ANKS1B: variants seen among roughly 807,000 people sequenced by gnomAD.
ANKS1B encodes ankyrin repeat and sterile alpha motif domain-containing protein 1B.
In ANKS1B, 36 loss-of-function variants were observed where a neutral mutation model predicts 148.3. The observed-to-expected ratio is 0.24, with a 90% CI of 0.19 to 0.32. ANKS1B has a LOEUF of 0.32. Ranked by LOEUF, ANKS1B falls within the 10% of genes least tolerant of loss-of-function variation. The pLI, the probability that ANKS1B is intolerant of heterozygous loss-of-function variation, is 1.00. For synonymous variants in ANKS1B, 542 were observed against 560.8 expected (o/e 0.97, Z 0.47); for missense variants, 1,157 against 1,542.6 (o/e 0.75, Z 4.19).
At chr12:99,914,298 C>A (rs2094101825) in intron 1 of ANKS1B, among the ~76,000 whole-genome samples, 1 of 152,120 alleles carries the variant, frequency 6.6e-6, no homozygotes, top group African/African-American at 2.4e-5. Flanking sequence ...TGGTGATAAC[C>A]CCTAACAGGC....
chr12:98,832,956 T>C (rs1023877106), intron 17 of ANKS1B, among the ~76,000 whole-genome samples: 2 of 151,916 alleles, frequency 1.3e-5, no homozygotes, highest in African/African-American at 4.8e-5. Flanking sequence ...TGAATGGTAA[T>C]AGAGATGGGA....
At chr12:99,783,190 CAAAAA>C (rs766608067) in intron 4 of ANKS1B, among the ~76,000 whole-genome samples, 1 of 62,448 alleles carries the variant, frequency 1.6e-5, no homozygotes, top group Admixed American at 1.9e-4. Context: ...GAATCCATCG[CAAAAA>C]AAAAAAAAAA....
At chr12:99,130,650 A>T (rs1263527409) in intron 15 of ANKS1B, among the ~76,000 whole-genome samples, 1 of 152,162 alleles carries the variant, frequency 6.6e-6, no homozygotes, top group Non-Finnish European at 1.5e-5. Context: ...AAATCCTGAC[A>T]TGTCAGTGTG....
chr12:99,982,223 G>C (rs1566136878), intron 1 of ANKS1B, among the ~76,000 whole-genome samples: 1 of 151,748 alleles, frequency 6.6e-6, no homozygotes, highest in Non-Finnish European at 1.5e-5. Flanking sequence ...ACCAGCAAAA[G>C]AGAAAACCTC....
At chr12:99,218,844 GA>G (rs145986733) in intron 14 of ANKS1B, among the ~76,000 whole-genome samples, 1,664 of 152,286 alleles carry the variant, frequency 0.011, 31 homozygotes, top group African/African-American at 0.038. Context: ...TTATAATTAA[GA>G]AGTAGGAGAG....
chr12:99,943,558 T>C (rs919114532), intron 1 of ANKS1B, among the ~76,000 whole-genome samples: 2 of 152,124 alleles, frequency 1.3e-5, no homozygotes, highest in East Asian at 1.9e-4. Context: ...AGCAAAGTCA[T>C]GTCCTGCATG....
At chr12:99,968,756 G>A (rs1358245549) in intron 1 of ANKS1B, among the ~76,000 whole-genome samples, 1 of 152,122 alleles carries the variant, frequency 6.6e-6, no homozygotes, top group Non-Finnish European at 1.5e-5. Context: ...CATGGGAGTG[G>A]ACCCCTCATG....
chr12:99,131,801 G>C (rs149006714), intron 15 of ANKS1B, among the ~76,000 whole-genome samples: 6 of 152,104 alleles, frequency 3.9e-5, no homozygotes, highest in Admixed American at 2.0e-4. Context: ...CCTGGGAACC[G>C]GGCTCCGTCA....
intron 17 of ANKS1B, among the ~76,000 whole-genome samples, chr12:98,855,181 A>C (rs1198027096): frequency 6.6e-6 from 1 of 152,084 alleles, no homozygotes; most frequent in Non-Finnish European, 1.5e-5. Context: ...AAAAAAAAAA[A>C]AAATCTCTTA....
intron 9 of ANKS1B, among the ~76,000 whole-genome samples, chr12:99,558,287 TC>T (rs1467608294): frequency 1.3e-5 from 2 of 152,138 alleles, no homozygotes; most frequent in African/African-American, 4.8e-5. Context: ...CATGTGCACA[TC>T]CACGCCAGCA....
At chr12:99,342,538 G>C (rs2090079483) in intron 12 of ANKS1B, among the ~76,000 whole-genome samples, 1 of 152,060 alleles carries the variant, frequency 6.6e-6, no homozygotes, top group African/African-American at 2.4e-5. Flanking sequence ...GATGGTAGCT[G>C]TGATGCCTTC....
intron 10 of ANKS1B, among the ~76,000 whole-genome samples, chr12:99,478,394 A>C (rs1192358036): frequency 6.6e-6 from 1 of 152,142 alleles, no homozygotes; most frequent in African/African-American, 2.4e-5. Flanking sequence ...TTTGGAATCC[A>C]GCTAAAGGAA....
intron 1 of ANKS1B, among the ~76,000 whole-genome samples, chr12:99,922,751 G>T (rs1014711463): frequency 1.3e-5 from 2 of 152,110 alleles, no homozygotes; most frequent in Non-Finnish European, 2.9e-5. Flanking sequence ...AATTCAAGAG[G>T]TGATTAGGGT....
intron 9 of ANKS1B, among the ~76,000 whole-genome samples, chr12:99,651,102 G>T (rs1487104500): frequency 6.6e-6 from 1 of 152,070 alleles, no homozygotes; most frequent in East Asian, 1.9e-4. Context: ...ACATAGTACT[G>T]TACTAATTGT....
At chr12:99,858,362 A>C (rs2089509374) in intron 1 of ANKS1B, among the ~76,000 whole-genome samples, 1 of 152,142 alleles carries the variant, frequency 6.6e-6, no homozygotes, top group Non-Finnish European at 1.5e-5. Context: ...TAATCAAAAA[A>C]TCAAAAAAAT....
At chr12:99,666,470 A>G (rs1175058886) in intron 8 of ANKS1B, among the ~76,000 whole-genome samples, 1 of 152,112 alleles carries the variant, frequency 6.6e-6, no homozygotes, top group African/African-American at 2.4e-5. Flanking sequence ...TCCATCAACA[A>G]TATTTTTATA....
At position 99,229,988 on chromosome 12, in the gene ANKS1B, A is replaced by G. The variant is rs139525433; in HGVS notation, c.2419+14354T>C. On this transcript the variant is annotated intron_variant, in intron 14 of 26. Coordinates refer to ENST00000683438, the MANE Select transcript of ANKS1B (RefSeq NM_001352186.2). ...ATAGTTTGGAAAAATTTTTCTTTTA[A>G]GAAAATAATAGATGGAAAAGAAAAG... is the stretch of plus-strand genomic sequence containing the variant. Among the ~76,000 whole-genome samples, 7 of 146,158 alleles carry G rather than the reference A, an allele frequency of 4.8e-5. No homozygotes were observed. In the East Asian group the frequency reaches 1.4e-3, roughly 30 times the overall value.
At chr12:99,291,783 C>CAGCAT (rs1260884791) in intron 12 of ANKS1B, among the ~76,000 whole-genome samples, 1 of 152,146 alleles carries the variant, frequency 6.6e-6, no homozygotes, top group African/African-American at 2.4e-5. Flanking sequence ...GTAACCAAAA[C>CAGCAT]AGCATGGTAC....
chr12:99,847,495 T>C (rs1447291910), intron 1 of ANKS1B, among the ~76,000 whole-genome samples: 1 of 152,164 alleles, frequency 6.6e-6, no homozygotes, highest in African/African-American at 2.4e-5. Flanking sequence ...AGTCCTGCCC[T>C]ACACCCAGAA....
Sources: allele counts gnomAD v4.1 joint callset (sites outside exome capture counted in the v4.1 genomes callset), GRCh38; gene constraint gnomAD v4.1.1; transcripts MANE v1.5; gene names NCBI Gene and HGNC (gene_info 2026-07-23, HGNC 2026-07-21).